The following NELL1 variants were observed in gnomAD, a reference collection of about 807,000 sequenced individuals.
NELL1 encodes the protein neural EGFL like 1, also known as protein kinase C-binding protein NELL1.
Under a neutral mutation model 107.4 loss-of-function variants are expected in NELL1, and 76 were observed. The ratio of observed to expected loss-of-function variants is 0.71; its 90% CI spans 0.59 to 0.86. The LOEUF (loss-of-function observed/expected upper bound fraction) is 0.86, where lower values mean the gene tolerates loss of function less well. NELL1 is among the 40% of genes least tolerant of loss of function. The probability of loss-of-function intolerance (pLI) is 0.00; values close to 1 mark genes in which losing one functional copy is unlikely to be tolerated. For synonymous variants in NELL1, 353 were observed against 341.2 expected, an observed-to-expected ratio of 1.03 and a Z score of -0.38; for missense variants, 1,024 against 1,005.5, an observed-to-expected ratio of 1.02 and a Z score of -0.25.
At chr11:21,021,888 G>A (rs572524539) in intron 12 of NELL1, among the ~76,000 whole-genome samples, 47 of 152,152 alleles carry the variant, frequency 3.1e-4, no homozygotes, top group African/African-American at 8.9e-4. Context: ...CTACTCTGGC[G>A]TTGAAGAATA....
At chr11:20,804,522 A>G (rs888085353) in intron 3 of NELL1, among the ~76,000 whole-genome samples, 3 of 152,248 alleles carry the variant, frequency 2.0e-5, no homozygotes, top group Middle Eastern at 3.4e-3. Flanking sequence ...AGGCAATTTT[A>G]TTCTTAATCT....
chr11:21,351,268 A>AT (rs1006227827), intron 14 of NELL1, among the ~76,000 whole-genome samples: 12 of 113,546 alleles, frequency 1.1e-4, no homozygotes, highest in East Asian at 4.3e-4. Context: ...CTGAGTGAAT[A>AT]TTTTTTTTGT....
intron 2 of NELL1, among the ~76,000 whole-genome samples, chr11:20,776,442 T>C (rs906822170): frequency 4.0e-5 from 6 of 151,868 alleles, no homozygotes; most frequent in African/African-American, 1.5e-4. Context: ...AGTGAGATAC[T>C]GTCTCAAAAA....
At chr11:21,236,744 A>T (rs1348297356) in intron 14 of NELL1, among the ~76,000 whole-genome samples, 1 of 152,114 alleles carries the variant, frequency 6.6e-6, no homozygotes, top group Non-Finnish European at 1.5e-5. Flanking sequence ...TCATTCAGTT[A>T]TTCTGCAATT....
At chr11:21,029,866 A>G (rs1852909905) in intron 12 of NELL1, among the ~76,000 whole-genome samples, 1 of 152,210 alleles carries the variant, frequency 6.6e-6, no homozygotes, top group Non-Finnish European at 1.5e-5. Context: ...CTGTAATGGA[A>G]AAGAAATGGG....
chr11:20,863,669 A>G (rs142786881), intron 4 of NELL1, among the ~76,000 whole-genome samples: 3,141 of 145,250 alleles, frequency 0.022, 65 homozygotes, highest in Non-Finnish European at 0.03. Context: ...GACGATGGGC[A>G]GCCAGGCAGA....
intron 14 of NELL1, among the ~76,000 whole-genome samples, chr11:21,365,899 T>C (rs190579011): frequency 1.4e-4 from 22 of 152,210 alleles, no homozygotes; most frequent in Admixed American, 8.5e-4. Context: ...TGTGTAAAGT[T>C]GGGGCAGAAT....
chr11:21,427,317 T>G (rs1852846666), intron 15 of NELL1, among the ~76,000 whole-genome samples: 1 of 152,208 alleles, frequency 6.6e-6, no homozygotes, highest in Non-Finnish European at 1.5e-5. Context: ...TCAATCTCCA[T>G]CAAGTTGATG....
At chr11:21,244,781 A>G (rs1858448769) in intron 14 of NELL1, among the ~76,000 whole-genome samples, 1 of 152,148 alleles carries the variant, frequency 6.6e-6, no homozygotes, top group Non-Finnish European at 1.5e-5. Context: ...ACCTGCAAGC[A>G]AGGTGACTGA....
At chr11:21,104,770 G>T (rs2133711575) in intron 12 of NELL1, among the ~76,000 whole-genome samples, 1 of 152,184 alleles carries the variant, frequency 6.6e-6, no homozygotes, top group East Asian at 1.9e-4. Flanking sequence ...AGCTCAAGCT[G>T]CCATAACAAA....
At chr11:20,814,156 C>A (rs12806381) in intron 3 of NELL1, among the ~76,000 whole-genome samples, 1 of 151,710 alleles carries the variant, frequency 6.6e-6, no homozygotes, top group African/African-American at 2.4e-5. Context: ...CCGCCACGCC[C>A]GGCTAATTTT....
At chr11:20,766,437 C>G (rs1283336379) in intron 2 of NELL1, among the ~76,000 whole-genome samples, 2 of 152,152 alleles carry the variant, frequency 1.3e-5, no homozygotes, top group Non-Finnish European at 2.9e-5. Context: ...CAAGGTTTTC[C>G]CCACCAACTG....
intron 6 of NELL1, among the ~76,000 whole-genome samples, chr11:20,918,817 T>G (rs1850315294): frequency 6.6e-6 from 1 of 152,008 alleles, no homozygotes; most frequent in African/African-American, 2.4e-5. Flanking sequence ...TTTATTGAAC[T>G]AAAATTTGAA....
At chr11:21,384,328 C>T (rs1851683294) in intron 15 of NELL1, among the ~76,000 whole-genome samples, 2 of 151,954 alleles carry the variant, frequency 1.3e-5, no homozygotes, top group Non-Finnish European at 2.9e-5. Context: ...GCCCTAGTTA[C>T]TCTGGGCCCA....
chr11:21,269,412 C>T lies in NELL1; in HGVS notation c.1549+39958C>T, dbSNP rs544314877. ...CACACAGAGGCATATCCTATTCGAA[C>T]TGCAGAAAACCAAAGATAAAAATTC... On this transcript the variant is annotated intron_variant, in intron 14 of 19. Transcript: ENST00000357134. Among the ~76,000 whole-genome samples, 5 of 151,396 alleles carry T rather than the reference C, an allele frequency of 3.3e-5. No individual in the cohort carries two copies. The South Asian group carries it at 1.0e-3, about 32-fold the overall frequency.
At chr11:20,752,366 A>T (rs1037078975) in intron 2 of NELL1, among the ~76,000 whole-genome samples, 4 of 152,194 alleles carry the variant, frequency 2.6e-5, no homozygotes, top group African/African-American at 9.7e-5. Context: ...CCTGACCAAC[A>T]TGGAGAAACC....
chr11:20,826,944 G>A (rs1359033192), intron 3 of NELL1, among the ~76,000 whole-genome samples: 2 of 151,206 alleles, frequency 1.3e-5, no homozygotes, highest in Non-Finnish European at 3.0e-5. Flanking sequence ...TTCGATATGC[G>A]ATAACACATT....
At chr11:21,310,853 G>A (rs1185733785) in intron 14 of NELL1, among the ~76,000 whole-genome samples, 2 of 152,122 alleles carry the variant, frequency 1.3e-5, no homozygotes, top group South Asian at 2.1e-4. Context: ...ATCCTGCAGA[G>A]ACCTGAGTGC....
intron 12 of NELL1, among the ~76,000 whole-genome samples, chr11:21,049,314 G>C (rs1853434399): frequency 6.6e-6 from 1 of 152,148 alleles, no homozygotes. Flanking sequence ...AAGGGAGCTA[G>C]GCCATAAAGC....
Sources: allele counts gnomAD v4.1 joint callset (sites outside exome capture counted in the v4.1 genomes callset), GRCh38; gene constraint gnomAD v4.1.1; transcripts MANE v1.5; gene names NCBI Gene and HGNC (gene_info 2026-07-23, HGNC 2026-07-21).